The following CAST variants were observed in gnomAD, a reference collection of about 807,000 sequenced individuals.
CAST encodes the protein calpastatin, also known as MIR583 host.
A neutral mutation model predicts 119.6 loss-of-function variants in CAST; 76 were observed. That is an observed-to-expected ratio of 0.64 (90% CI 0.53 to 0.77). The LOEUF is 0.77. Among genes scored for constraint, CAST ranks in the 30% least tolerant of loss-of-function variants. The pLI, the probability that CAST is intolerant of heterozygous loss-of-function variation, is 0.00. For synonymous variants in CAST, 319 were observed against 331.6 expected (o/e 0.96, Z 0.41); for missense variants, 953 against 946.5 (o/e 1.01, Z -0.09).
intron 2 of CAST, among the ~76,000 whole-genome samples, chr5:96,687,759 C>G (rs1375368741): frequency 1.3e-5 from 2 of 152,172 alleles, no homozygotes; most frequent in Non-Finnish European, 2.9e-5. Context: ...AGAGCTAAAA[C>G]AATCTTATAA....
At chr5:96,157,973 G>T in the CAST span, among the ~76,000 whole-genome samples, 3 of 152,078 alleles carry the variant, frequency 2.0e-5, no homozygotes, top group African/African-American at 7.2e-5. Flanking sequence ...TCTTTATTCT[G>T]TTGGTTTTCC....
the CAST span, among the ~76,000 whole-genome samples, chr5:96,041,321 C>A: frequency 6.6e-6 from 1 of 152,142 alleles, no homozygotes; most frequent in Admixed American, 6.5e-5. Context: ...CTAGTCTAAT[C>A]ATGAGAAAAA....
the CAST span, among the ~76,000 whole-genome samples, chr5:96,116,010 T>C: frequency 6.6e-6 from 1 of 152,028 alleles, no homozygotes; most frequent in African/African-American, 2.4e-5. Context: ...ATTTTGGTAA[T>C]TGTAGATAGC....
chr5:96,376,115 T>C, the CAST span, among the ~76,000 whole-genome samples: 1 of 151,488 alleles, frequency 6.6e-6, no homozygotes, highest in Non-Finnish European at 1.5e-5. Flanking sequence ...TCATATTTTT[T>C]CTATATACAT....
the CAST span, among the ~76,000 whole-genome samples, chr5:96,233,373 G>A: frequency 6.6e-6 from 1 of 152,018 alleles, no homozygotes; most frequent in South Asian, 2.1e-4. Flanking sequence ...AAAAGAATAA[G>A]TAAATAGGAA....
At chr5:96,506,743 A>T in the CAST span, among the ~76,000 whole-genome samples, 1 of 152,206 alleles carries the variant, frequency 6.6e-6, no homozygotes, top group Admixed American at 6.5e-5. Context: ...CAGTAAAAAG[A>T]CCTCCACATA....
chr5:96,641,173 T>C (rs1747945041), intron 1 of CAST, among the ~76,000 whole-genome samples: 2 of 152,190 alleles, frequency 1.3e-5, no homozygotes, highest in Admixed American at 6.5e-5. Context: ...ATACTACTGT[T>C]TAGAGATATA....
intron 2 of CAST, among the ~76,000 whole-genome samples, chr5:96,685,738 T>C (rs1438837049): frequency 6.6e-6 from 1 of 152,186 alleles, no homozygotes; most frequent in Non-Finnish European, 1.5e-5. Context: ...CACCTGGGGA[T>C]GGTATGAGAA....
chr5:96,503,172 C>G, the CAST span, among the ~76,000 whole-genome samples: 1 of 152,110 alleles, frequency 6.6e-6, no homozygotes, highest in Non-Finnish European at 1.5e-5. Flanking sequence ...CTCATGTTTG[C>G]TTTAGTTTGT....
At chr5:96,460,273 G>A in the CAST span, among the ~76,000 whole-genome samples, 5 of 152,188 alleles carry the variant, frequency 3.3e-5, no homozygotes, top group East Asian at 1.9e-4. Context: ...ACTTGAGACC[G>A]TGGAGAACAT....
the CAST span, among the ~76,000 whole-genome samples, chr5:95,987,781 G>C: frequency 6.6e-6 from 1 of 152,178 alleles, no homozygotes; most frequent in Non-Finnish European, 1.5e-5. Flanking sequence ...GTCTATTGCT[G>C]TGCTGTCCAA....
the CAST span, among the ~76,000 whole-genome samples, chr5:96,131,018 T>C: frequency 6.6e-6 from 1 of 152,106 alleles, no homozygotes; most frequent in Non-Finnish European, 1.5e-5. Flanking sequence ...CAATTGTAGT[T>C]TCCCAATCTA....
At chr5:96,596,492 T>G (rs1747053349) in intron 1 of CAST, among the ~76,000 whole-genome samples, 2 of 152,192 alleles carry the variant, frequency 1.3e-5, no homozygotes, top group Non-Finnish European at 2.9e-5. Context: ...GAGAATAAAT[T>G]TGTGTTGTTT....
At chr5:96,608,986 C>T (rs1369813413) in intron 1 of CAST, among the ~76,000 whole-genome samples, 2 of 152,292 alleles carry the variant, frequency 1.3e-5, no homozygotes, top group East Asian at 3.9e-4. Context: ...TACAATTCAA[C>T]GTGAGATTTG....
At chr5:96,771,763 T>C (rs1581469861) in intron 31 of CAST, 61 bp downstream of exon 31, 15 of 1,056,786 alleles carry the variant, frequency 1.4e-5, no homozygotes, top group South Asian at 5.3e-5. Context: ...TTATGTGTTA[T>C]AGATGAGAGA....
chr5:96,373,074 C>A, the CAST span, among the ~76,000 whole-genome samples: 938 of 152,230 alleles, frequency 6.2e-3, 16 homozygotes, highest in African/African-American at 0.022. Flanking sequence ...TTCAAGCATG[C>A]ATATTTTTTC....
In CAST at chr5:96,675,594, CA is replaced by C. The variant is rs757850347; in HGVS notation, c.132del (p.Asp45MetfsTer40). ...TCCAAACCAGGAGAAAAGAAAGGAT[CA>C]GATGAGGTAATTTCCACAATACTGG... ...SPSKPGEKKG[S>X]DEKKAASLGS... On this transcript the variant is annotated frameshift_variant, in exon 2 of 32. Coordinates refer to ENST00000675179, the MANE Select transcript of CAST (RefSeq NM_001750.7). LOFTEE classifies it high-confidence loss of function. 1 of 1,610,598 alleles carries C rather than the reference CA, an allele frequency of 6.2e-7. No individual in the cohort carries two copies. Among genetic ancestry groups the C allele is most frequent in the East Asian group, 2.2e-5 (1 of 44,832 alleles).
the CAST span, among the ~76,000 whole-genome samples, chr5:96,192,667 T>G: frequency 2.6e-5 from 4 of 152,212 alleles, no homozygotes; most frequent in Non-Finnish European, 5.9e-5. Flanking sequence ...ATGATTATAC[T>G]TCCTACCCCA....
intron 1 of CAST, among the ~76,000 whole-genome samples, chr5:96,552,812 G>A (rs263385): frequency 0.29 from 44,465 of 152,054 alleles, 7,430 homozygotes; most frequent in Middle Eastern, 0.42. Context: ...AAATCTAAAA[G>A]AAATTGATAA....
Sources: gnomAD v4.1 joint callset for allele counts (sites outside exome capture counted in the v4.1 genomes callset) on GRCh38, gnomAD v4.1.1 for gene constraint, MANE v1.5 for transcripts, NCBI Gene and HGNC (gene_info 2026-07-23, HGNC 2026-07-21) for gene names.